The following SDK1 variants were observed in gnomAD, a reference collection of about 807,000 sequenced individuals.
SDK1 encodes protein sidekick-1.
In SDK1, 157 loss-of-function variants were observed where a neutral mutation model predicts 245.5. The observed-to-expected ratio is 0.64, with a 90% CI of 0.56 to 0.73. SDK1 has a LOEUF of 0.73. SDK1 is among the 30% of genes least tolerant of loss of function. SDK1 has a pLI of 0.00. For missense variants in SDK1, 3,583 were observed against 3,002.3 expected (o/e 1.19, Z -4.52); for synonymous variants, 1,647 against 1,278.5 (o/e 1.29, Z -6.15).
chr7:3,504,631 C>G (rs1226869537), intron 1 of SDK1, among the ~76,000 whole-genome samples: 1 of 152,102 alleles, frequency 6.6e-6, no homozygotes, highest in Non-Finnish European at 1.5e-5. Context: ...GTTTAGATCC[C>G]TACCTCACAG....
At chr7:4,048,417 G>C (rs896759888) in intron 17 of SDK1, among the ~76,000 whole-genome samples, 1 of 152,166 alleles carries the variant, frequency 6.6e-6, no homozygotes, top group African/African-American at 2.4e-5. Context: ...TGCGTCATCA[G>C]CCGTGCTGCT....
chr7:3,502,191 A>G (rs1251261438), intron 1 of SDK1, among the ~76,000 whole-genome samples: 3 of 151,906 alleles, frequency 2.0e-5, no homozygotes, highest in African/African-American at 7.3e-5. Context: ...GACATTAGTA[A>G]AATTTTTCTT....
chr7:3,631,193 C>A (rs907714326), intron 2 of SDK1, among the ~76,000 whole-genome samples: 1 of 152,184 alleles, frequency 6.6e-6, no homozygotes, highest in East Asian at 1.9e-4. Context: ...CTTGGCCTCC[C>A]AAAGTGCTGG....
At chr7:3,661,486 A>G (rs1303579442) in intron 4 of SDK1, among the ~76,000 whole-genome samples, 1 of 152,166 alleles carries the variant, frequency 6.6e-6, no homozygotes, top group Non-Finnish European at 1.5e-5. Context: ...CACACGCTAT[A>G]TGAATTTAAA....
intron 22 of SDK1, among the ~76,000 whole-genome samples, chr7:4,099,762 C>T (rs140365779): frequency 2.7e-5 from 4 of 146,572 alleles, no homozygotes; most frequent in Non-Finnish European, 4.5e-5. Flanking sequence ...CGTGTGTGAG[C>T]GGGATGTGAT....
intron 1 of SDK1, among the ~76,000 whole-genome samples, chr7:3,421,903 C>T (rs1779545669): frequency 6.6e-6 from 1 of 152,174 alleles, no homozygotes; most frequent in Admixed American, 6.5e-5. Context: ...GATGCAGTGG[C>T]TCCTATCTGT....
chr7:3,869,101 A>C (rs10233390), intron 5 of SDK1, among the ~76,000 whole-genome samples: 1,637 of 151,860 alleles, frequency 0.011, 29 homozygotes, highest in East Asian at 0.048. Flanking sequence ...TTTTTCCCCC[A>C]AAAAAGAGGA....
At chr7:4,201,691 C>T (rs546861316) in intron 35 of SDK1, among the ~76,000 whole-genome samples, 11 of 152,236 alleles carry the variant, frequency 7.2e-5, no homozygotes, top group African/African-American at 2.6e-4. Flanking sequence ...CACAGCGTGG[C>T]TCTAGTGACA....
chr7:4,054,274 G>A (rs953686026), intron 19 of SDK1, among the ~76,000 whole-genome samples: 1 of 152,132 alleles, frequency 6.6e-6, no homozygotes, highest in Non-Finnish European at 1.5e-5. Flanking sequence ...GAGCATTACA[G>A]ATTCATATGC....
chr7:3,972,688 C>T (rs767744307), intron 12 of SDK1, among the ~76,000 whole-genome samples: 2 of 152,192 alleles, frequency 1.3e-5, no homozygotes, highest in Admixed American at 6.5e-5. Flanking sequence ...CCTCTCACCC[C>T]GAGCAGAGGG....
At chr7:3,398,507 A>G (rs1778788934) in intron 1 of SDK1, among the ~76,000 whole-genome samples, 1 of 152,006 alleles carries the variant, frequency 6.6e-6, no homozygotes, top group Non-Finnish European at 1.5e-5. Context: ...AGTTCTGACA[A>G]AGTAGTTTCC....
chr7:4,161,245 G>T (rs1781100550), intron 31 of SDK1, among the ~76,000 whole-genome samples: 1 of 152,180 alleles, frequency 6.6e-6, no homozygotes, highest in Non-Finnish European at 1.5e-5. Context: ...CCTCCAGAGA[G>T]CAGAGCAGAA....
intron 34 of SDK1, among the ~76,000 whole-genome samples, chr7:4,178,183 CA>C (rs1258809130): frequency 1.3e-5 from 2 of 152,192 alleles, no homozygotes; most frequent in East Asian, 3.9e-4. Context: ...GCTAGTGGCC[CA>C]GGGGTTGGGG....
intron 35 of SDK1, among the ~76,000 whole-genome samples, chr7:4,188,201 T>A (rs780770330): frequency 3.3e-5 from 5 of 152,244 alleles, no homozygotes; most frequent in African/African-American, 7.2e-5. Flanking sequence ...ATATCTGCCT[T>A]TAGTTGCATA....
chr7:4,226,027 C>T lies in SDK1; in HGVS notation c.5827+4663C>T, dbSNP rs914175738. 2.6e-5 allele frequency among the ~76,000 whole-genome samples: 4 copies of T among 152,162 alleles called. No homozygotes were observed. The East Asian group carries it at 7.7e-4, about 29-fold the overall frequency. ...CCAGCAGCAGCTCAGGCAAATGAAA[C>T]GCTTTATGGATTGTCAATATTTAAG... On this transcript the variant is annotated intron_variant, in intron 40 of 44. Transcript: ENST00000404826.
At chr7:4,072,045 G>A (rs953591921) in intron 20 of SDK1, among the ~76,000 whole-genome samples, 18 of 152,248 alleles carry the variant, frequency 1.2e-4, no homozygotes, top group African/African-American at 4.1e-4. Context: ...TCACGGCTAA[G>A]CAGTGGTTGC....
chr7:3,324,808 T>TAAACCTATGCCCAGGAAAAAGTAAACGGC (rs1360735741), intron 1 of SDK1, among the ~76,000 whole-genome samples: 7 of 152,184 alleles, frequency 4.6e-5, no homozygotes, highest in Non-Finnish European at 1.0e-4. Context: ...GTAATTTTAT[T>TAAACCTATGCCCAGGAAAAAGTAAACGGC]AAACCTATGC....
At chr7:4,245,168 G>A (rs752760762) in intron 43 of SDK1, among the ~76,000 whole-genome samples, 2 of 152,118 alleles carry the variant, frequency 1.3e-5, no homozygotes, top group Admixed American at 6.6e-5. Context: ...AATTCCACCA[G>A]CCAGAGAGGA....
chr7:3,381,726 TC>T, intron 1 of SDK1, among the ~76,000 whole-genome samples: 1 of 152,032 alleles, frequency 6.6e-6, no homozygotes, highest in South Asian at 2.1e-4. Context: ...CACCTCTCCT[TC>T]CCTAAAAGAA....
Sources: allele counts gnomAD v4.1 joint callset (sites outside exome capture counted in the v4.1 genomes callset), GRCh38; gene constraint gnomAD v4.1.1; transcripts MANE v1.5; gene names NCBI Gene and HGNC (gene_info 2026-07-23, HGNC 2026-07-21).